Variants in ALK observed in about 807,000 individuals in gnomAD.
ALK encodes ALK tyrosine kinase receptor.
A neutral mutation model predicts 163.1 loss-of-function variants in ALK; 74 were observed. The observed-to-expected ratio is 0.45, with a 90% CI of 0.38 to 0.55. ALK has a LOEUF of 0.55. Ranked by LOEUF, ALK falls within the 20% of genes least tolerant of loss-of-function variation. The pLI is 0.00. For synonymous variants in ALK, 960 were observed against 843.2 expected, an observed-to-expected ratio of 1.14 and a Z score of -2.40; for missense variants, 2,063 against 2,105.3, an observed-to-expected ratio of 0.98 and a Z score of 0.39.
intron 1 of ALK, among the ~76,000 whole-genome samples, chr2:29,728,832 A>G (rs1679650172): frequency 6.6e-6 from 1 of 152,180 alleles, no homozygotes; most frequent in African/African-American, 2.4e-5. Context: ...CTGTCCAGCA[A>G]AGAACCCCTT....
intron 14 of ALK, 50 bp from the exon 15 acceptor site, chr2:29,232,498 C>G (rs1257610620): frequency 1.2e-6 from 2 of 1,612,122 alleles, no homozygotes; most frequent in African/African-American, 2.7e-5. Context: ...GTGCTTCCCC[C>G]TGGAGCCCCT....
intron 3 of ALK, among the ~76,000 whole-genome samples, chr2:29,614,090 G>A (rs1229316973): frequency 6.6e-6 from 1 of 152,156 alleles, no homozygotes; most frequent in Non-Finnish European, 1.5e-5. Flanking sequence ...AGGAGCTGGG[G>A]CAGAGTTCAC....
intron 1 of ALK, among the ~76,000 whole-genome samples, chr2:29,873,405 A>G (rs59706556): frequency 0.013 from 1,959 of 152,242 alleles, 36 homozygotes; most frequent in African/African-American, 0.045. Flanking sequence ...CCACTGGAGC[A>G]ACAGAAGCTG....
At chr2:29,234,466 A>T (rs1372107410) in intron 13 of ALK, among the ~76,000 whole-genome samples, 7 of 152,144 alleles carry the variant, frequency 4.6e-5, no homozygotes, top group African/African-American at 1.7e-4. Flanking sequence ...CTCTGGGAAG[A>T]TCAGTTCTCC....
chr2:29,896,166 G>A (rs1425405838), intron 1 of ALK, among the ~76,000 whole-genome samples: 1 of 152,188 alleles, frequency 6.6e-6, no homozygotes, highest in East Asian at 1.9e-4. Flanking sequence ...GCCCTTGTGT[G>A]GAAGCAGGGA....
At chr2:29,263,697 A>G (rs1385043381) in intron 11 of ALK, among the ~76,000 whole-genome samples, 1 of 152,122 alleles carries the variant, frequency 6.6e-6, no homozygotes, top group African/African-American at 2.4e-5. Context: ...TTTGTCTGCA[A>G]TGCAGTCATG....
chr2:29,820,307 T>C (rs572338515), intron 1 of ALK, among the ~76,000 whole-genome samples: 1 of 152,264 alleles, frequency 6.6e-6, no homozygotes, highest in African/African-American at 2.4e-5. Context: ...CAATGAGCCA[T>C]TATGGAAGCA....
intron 3 of ALK, among the ~76,000 whole-genome samples, chr2:29,583,042 G>GTTTTTTTTTTTTT (rs34611118): frequency 1.4e-5 from 2 of 143,708 alleles, no homozygotes; most frequent in Non-Finnish European, 1.5e-5. Flanking sequence ...TTTGTTTTTT[G>GTTTTTTTTTTTTT]TTTTTTTGTT....
intron 1 of ALK, among the ~76,000 whole-genome samples, chr2:29,786,355 T>G (rs1664024381): frequency 6.6e-6 from 1 of 152,222 alleles, no homozygotes; most frequent in South Asian, 2.1e-4. Context: ...AACCATCTTA[T>G]TCCATTTAAC....
At chr2:29,583,042 G>GTTTT in intron 3 of ALK, among the ~76,000 whole-genome samples, 1 of 143,712 alleles carries the variant, frequency 7.0e-6, no homozygotes, top group South Asian at 2.2e-4. Context: ...TTTGTTTTTT[G>GTTTT]TTTTTTTGTT....
chr2:29,613,005 G>A (rs1443912155), intron 3 of ALK, among the ~76,000 whole-genome samples: 1 of 152,146 alleles, frequency 6.6e-6, no homozygotes, highest in African/African-American at 2.4e-5. Context: ...CACACCACGG[G>A]GGGTCTGAGT....
chr2:29,772,005 A>G (rs890974034), intron 1 of ALK, among the ~76,000 whole-genome samples: 2 of 152,240 alleles, frequency 1.3e-5, no homozygotes, highest in Non-Finnish European at 2.9e-5. Context: ...ACTAAAAGAC[A>G]GAGGTCTAAC....
At chr2:29,530,316 T>C (rs2148156996) in intron 4 of ALK, among the ~76,000 whole-genome samples, 1 of 152,326 alleles carries the variant, frequency 6.6e-6, no homozygotes, top group African/African-American at 2.4e-5. Flanking sequence ...GAGGAGTTAT[T>C]TTCCTGACTA....
In ALK at chr2:29,214,095, G is replaced by A. The variant is rs898045539; in HGVS notation, c.3646-14C>T. ...GGAGGGCTGGCTCTGTGGGGAGACA[G>A]AAGCGGGCCACTGACGAGGAGCTTG... On this transcript the variant is annotated splice_polypyrimidine_tract_variant and intron_variant, in intron 23 of 28. Transcript: ENST00000389048. 1.9e-6 allele frequency: 3 copies of A among 1,611,388 alleles called. No individual in the cohort carries two copies. The African/African-American group carries it at 4.0e-5, about 22-fold the overall frequency.
At position 29,838,837 on chromosome 2, in the gene ALK, G is replaced by T. The variant is rs1002582588; in HGVS notation, c.667+81156C>A. Among the ~76,000 whole-genome samples the T allele has an allele frequency of 2.6e-5, 4 of 152,040 alleles. 1 individual carries two copies. The highest frequency in any genetic ancestry group is 5.9e-5 in the Non-Finnish European group (4 of 68,006). On this transcript the variant is annotated intron_variant, in intron 1 of 28. Transcript: ENST00000389048. The stretch of plus-strand genomic sequence containing the variant: ...TATTATATATCTCAATAGGGAAGAG[G>T]GTTATGCAGGTGCATGCAGTTGTCA...
At chr2:29,431,470 T>C (rs545857684) in intron 4 of ALK, among the ~76,000 whole-genome samples, 1 of 152,214 alleles carries the variant, frequency 6.6e-6, no homozygotes, top group Non-Finnish European at 1.5e-5. Context: ...TGATTTATTT[T>C]TTTCCATTTA....
Position 29,651,685 on chromosome 2 carries a change from G to A in ALK, c.952+43165C>T, listed in dbSNP as rs28505068. Among the ~76,000 whole-genome samples the A allele has an allele frequency of 5.2e-3, 795 of 152,236 alleles. 13 individuals carry two copies. Among genetic ancestry groups the A allele is most frequent in the African/African-American group, 0.017 (722 of 41,534 alleles). ...CAGCCACAGGGTATCCCTTGGAGTC[G>A]TGTAGTGACAACTTGAGAGTCGTTC... On this transcript the variant is annotated intron_variant, in intron 3 of 28. Coordinates refer to ENST00000389048, the MANE Select transcript of ALK (RefSeq NM_004304.5).
chr2:29,796,426 A>G (rs1664312786), intron 1 of ALK, among the ~76,000 whole-genome samples: 1 of 152,216 alleles, frequency 6.6e-6, no homozygotes, highest in Non-Finnish European at 1.5e-5. Context: ...GACCAATTTG[A>G]GCCATCAGAC....
chr2:29,250,889 A>C (rs1231833336), intron 12 of ALK, among the ~76,000 whole-genome samples: 2 of 152,174 alleles, frequency 1.3e-5, no homozygotes. Context: ...ACAGCCTGTG[A>C]GTTTCTTGAG....
Sources: gnomAD v4.1 joint callset for allele counts (sites outside exome capture counted in the v4.1 genomes callset) on GRCh38, gnomAD v4.1.1 for gene constraint, MANE v1.5 for transcripts, NCBI Gene and HGNC (gene_info 2026-07-23, HGNC 2026-07-21) for gene names.